The following STAG1 variants were observed in gnomAD, a reference collection of about 807,000 sequenced individuals.
STAG1 encodes the protein cohesin subunit SA-1.
A neutral mutation model predicts 170.9 loss-of-function variants in STAG1; 26 were observed. The ratio of observed to expected loss-of-function variants is 0.15; its 90% CI spans 0.11 to 0.21. The LOEUF is 0.21. Ranked by LOEUF, STAG1 falls within the 10% of genes least tolerant of loss-of-function variation. The pLI is 1.00. For synonymous variants in STAG1, 514 were observed against 497.7 expected (o/e 1.03, Z -0.44); for missense variants, 964 against 1,509.5 (o/e 0.64, Z 5.99).
intron 3 of STAG1, among the ~76,000 whole-genome samples, chr3:136,617,568 C>T (rs753451628): frequency 1.5e-4 from 23 of 152,282 alleles, no homozygotes; most frequent in Non-Finnish European, 2.4e-4. Flanking sequence ...TGACTTAGTC[C>T]TAGCTTAGTC....
chr3:136,549,312 CTT>C (rs35410506), intron 5 of STAG1, among the ~76,000 whole-genome samples: 1 of 148,352 alleles, frequency 6.7e-6, no homozygotes. Context: ...ATCAGTTTTC[CTT>C]TTTTTTTTCC....
intron 1 of STAG1, among the ~76,000 whole-genome samples, chr3:136,686,719 G>A (rs1942543646): frequency 6.6e-6 from 1 of 152,144 alleles, no homozygotes. Context: ...GAACTTGTTG[G>A]AACCAGGTGA....
At chr3:136,469,646 T>C (rs2089569605) in intron 12 of STAG1, among the ~76,000 whole-genome samples, 1 of 152,206 alleles carries the variant, frequency 6.6e-6, no homozygotes, top group Non-Finnish European at 1.5e-5. Context: ...TTAAAGTTCA[T>C]ATGGAACCAA....
chr3:136,557,291 A>T (rs941702271), intron 5 of STAG1, among the ~76,000 whole-genome samples: 2 of 152,182 alleles, frequency 1.3e-5, no homozygotes, highest in Non-Finnish European at 2.9e-5. Flanking sequence ...CAATTAGCAG[A>T]ATAGAGAACC....
intron 23 of STAG1, among the ~76,000 whole-genome samples, chr3:136,372,223 G>A (rs1425661120): frequency 2.6e-5 from 4 of 152,222 alleles, no homozygotes; most frequent in Non-Finnish European, 4.4e-5. Flanking sequence ...TGCTGAAGCT[G>A]CTTATCAGCT....
chr3:136,726,638 G>T (rs1285753283), intron 1 of STAG1, among the ~76,000 whole-genome samples: 1 of 152,138 alleles, frequency 6.6e-6, no homozygotes, highest in African/African-American at 2.4e-5. Context: ...TGACCAGGCT[G>T]GTCTCAAAGT....
Position 136,463,630 on chromosome 3 carries a change from C to T in STAG1, c.1313+1251G>A, listed in dbSNP as rs572561686. Among the ~76,000 whole-genome samples the T allele has an allele frequency of 5.3e-5, 8 of 150,560 alleles. No individual in the cohort carries two copies. The South Asian group carries it at 1.7e-3, about 32-fold the overall frequency. On this transcript the variant is annotated intron_variant, in intron 13 of 33. Coordinates refer to ENST00000383202, the MANE Select transcript of STAG1 (RefSeq NM_005862.3). ...CAGTGGCTCATGCCTGTAATCCCAACACTATGGGAGGCTGAGGTGGGAGGA... is the reference window on the plus strand; with the variant it reads ...CAGTGGCTCATGCCTGTAATCCCAATACTATGGGAGGCTGAGGTGGGAGGA...
At chr3:136,357,522 A>T (rs1388830853) in intron 28 of STAG1, among the ~76,000 whole-genome samples, 198 bp downstream of exon 28, 1 of 152,248 alleles carries the variant, frequency 6.6e-6, no homozygotes, top group Non-Finnish European at 1.5e-5. Flanking sequence ...CATGTTGCAG[A>T]TTCTAGGGTA....
At chr3:136,710,446 A>C (rs1304771565) in intron 1 of STAG1, among the ~76,000 whole-genome samples, 1 of 152,148 alleles carries the variant, frequency 6.6e-6, no homozygotes, top group Non-Finnish European at 1.5e-5. Context: ...AAGTATTCAG[A>C]AATAAGCATT....
chr3:136,396,209 GTTTT>G (rs1157402968), intron 22 of STAG1, among the ~76,000 whole-genome samples: 108 of 87,936 alleles, frequency 1.2e-3, no homozygotes, highest in African/African-American at 3.8e-3. Flanking sequence ...GTGTAACACA[GTTTT>G]TTTTTTTTTT....
intron 16 of STAG1, among the ~76,000 whole-genome samples, chr3:136,430,814 C>G (rs1261868027): frequency 8.3e-5 from 10 of 119,948 alleles, no homozygotes; most frequent in African/African-American, 2.3e-4. Flanking sequence ...CAGACACACA[C>G]ACACACACAC....
chr3:136,726,880 T>C (rs2107935860), intron 1 of STAG1, among the ~76,000 whole-genome samples: 1 of 152,314 alleles, frequency 6.6e-6, no homozygotes, highest in South Asian at 2.1e-4. Flanking sequence ...CACTGTACTC[T>C]TCCTGCATTA....
chr3:136,419,548 G>A (rs774821761), intron 20 of STAG1, among the ~76,000 whole-genome samples: 1 of 151,382 alleles, frequency 6.6e-6, no homozygotes, highest in Non-Finnish European at 1.5e-5. Context: ...GGGTTCAAGC[G>A]ATTCTCGTGC....
intron 1 of STAG1, among the ~76,000 whole-genome samples, chr3:136,680,760 A>C (rs111364144): frequency 1.1e-3 from 171 of 151,466 alleles, no homozygotes; most frequent in African/African-American, 2.4e-3. Context: ...CAAAAAAATT[A>C]TAACTAGTGG....
intron 28 of STAG1, among the ~76,000 whole-genome samples, chr3:136,351,913 TA>T (rs1295103317): frequency 6.6e-6 from 1 of 152,164 alleles, no homozygotes; most frequent in Non-Finnish European, 1.5e-5. Context: ...GTAAGTGGCT[TA>T]TGCTAACCCA....
chr3:136,748,374 C>T (rs554394846), intron 1 of STAG1, among the ~76,000 whole-genome samples: 3 of 151,870 alleles, frequency 2.0e-5, no homozygotes, highest in African/African-American at 4.8e-5. Flanking sequence ...GCACTCTGGT[C>T]GGGGCACACT....
chr3:136,371,349 CTTTAG>C (rs1321331791), intron 23 of STAG1, among the ~76,000 whole-genome samples: 2 of 151,992 alleles, frequency 1.3e-5, no homozygotes, highest in East Asian at 1.9e-4. Context: ...TGCAGAAGCT[CTTTAG>C]TTTAATTAGA....
intron 6 of STAG1, among the ~76,000 whole-genome samples, chr3:136,540,156 A>G (rs1935820548): frequency 6.6e-6 from 1 of 152,174 alleles, no homozygotes; most frequent in African/African-American, 2.4e-5. Context: ...ATATTTCACA[A>G]TATACATGCA....
At chr3:136,404,640 T>C (rs1470058251) in intron 21 of STAG1, among the ~76,000 whole-genome samples, 6 of 152,214 alleles carry the variant, frequency 3.9e-5, no homozygotes, top group South Asian at 4.1e-4. Flanking sequence ...CTTTCCTTAA[T>C]AGTTCTTTAA....
Sources: gnomAD v4.1 joint callset for allele counts (sites outside exome capture counted in the v4.1 genomes callset) on GRCh38, gnomAD v4.1.1 for gene constraint, MANE v1.5 for transcripts, NCBI Gene and HGNC (gene_info 2026-07-23, HGNC 2026-07-21) for gene names.